Variants in MAP1LC3C observed in about 807,000 individuals in gnomAD.
MAP1LC3C encodes microtubule-associated protein 1 light chain 3 gamma.
A neutral mutation model predicts 10.4 loss-of-function variants in MAP1LC3C; 12 were observed. The observed-to-expected ratio is 1.15, with a 90% confidence interval of 0.74 to 1.86. MAP1LC3C has a LOEUF of 1.86. Ranked by LOEUF, MAP1LC3C falls within the 40% of genes most tolerant of loss-of-function variation. The pLI is 0.00. For missense variants in MAP1LC3C, 177 were observed against 185.7 expected, an observed-to-expected ratio of 0.95 and a Z score of 0.27; for synonymous variants, 70 against 69.0, an observed-to-expected ratio of 1.01 and a Z score of -0.07.
In MAP1LC3C at chr1:241,996,250, G is replaced by A. The variant is rs147920150; in HGVS notation, c.357C>T (p.Tyr119=). Residue 119 remains tyrosine (Y), a synonymous_variant, in exon 4 of 4, where the codon TAC becomes TAT. Transcript: ENST00000357246. Reference sequence around the variant, plus strand: ...GGCAGCCAAATGTCTCCTGGGAGGCGTAGGTCATGTACACGAAGCCATCCT... The same window carrying A: ...GGCAGCCAAATGTCTCCTGGGAGGCATAGGTCATGTACACGAAGCCATCCT... ...KDEDGFVYMT[Y]ASQETFGCLE... 3,508 of 1,614,154 alleles carry A rather than the reference G, an allele frequency of 2.2e-3. 24 individuals carry two copies. The highest frequency in any genetic ancestry group is 0.012 in the South Asian group (1,064 of 91,076).
At chr1:242,001,378 C>T (rs567396006), upstream of MAP1LC3C, among the ~76,000 whole-genome samples, 4 of 152,194 alleles carry the variant, frequency 2.6e-5, no homozygotes, top group South Asian at 2.1e-4. Flanking sequence ...CTTTAGGAGG[C>T]GGAGGTGGGC....
chr1:241,999,140 G>T (rs78765580), upstream of MAP1LC3C: 9,861 of 1,440,338 alleles, frequency 6.8e-3, 48 homozygotes, highest in Middle Eastern at 0.015. Flanking sequence ...AGGGCTGAGT[G>T]ACATCAGGCC....
intron 3 of MAP1LC3C, among the ~76,000 whole-genome samples, chr1:241,998,018 A>ATTTTTTTT (rs1558179174): frequency 1.8e-3 from 165 of 89,228 alleles, no homozygotes; most frequent in East Asian, 2.8e-3. Flanking sequence ...AAATAGAGTA[A>ATTTTTTTT]TTCTTTTTTT....
At position 241,998,797 on chromosome 1, in the gene MAP1LC3C, T is replaced by G. The variant is rs764008757; in HGVS notation, c.93A>C (p.Ala31=). 2 of 1,614,106 alleles carry G rather than the reference T, an allele frequency of 1.2e-6. No homozygotes were observed. The highest frequency in any genetic ancestry group is 1.7e-6 in the Non-Finnish European group (2 of 1,180,044). ...TTACCGGGATTTTGTTGGGGAACTT[T>G]GCCCGGATTCCAGCAACTTCCTCTT... ...IRQEEVAGIR[A]KFPNKIPVVV... is the part of the protein sequence containing the mutation. The change falls in exon 2 of 4, where the codon GCA becomes GCC. Residue 31 remains alanine (A), a synonymous_variant. Coordinates refer to ENST00000357246, the MANE Select transcript of MAP1LC3C (RefSeq NM_001004343.3).
In MAP1LC3C at chr1:241,996,321, T is replaced by A. The variant is rs1370129001; in HGVS notation, c.286A>T (p.Ser96Cys). Residue 96 changes from serine to cysteine, a missense_variant, in exon 4 of 4, where the codon AGC (serine) becomes TGC (cysteine). Coordinates refer to ENST00000357246, the MANE Select transcript of MAP1LC3C (RefSeq NM_001004343.3). ...ATCTCTGCCATGGTTGCGCTCATGC[T>A]GACCAGGCTCTTGTTGTTCACCAGC... is the stretch of plus-strand genomic sequence containing the variant. ...YLLVNNKSLV[S>C]MSATMAEIYR... 6.2e-7 allele frequency: 1 copy of A among 1,613,974 alleles called. No homozygotes were observed. Among genetic ancestry groups the A allele is most frequent in the Admixed American group, 1.7e-5 (1 of 59,992 alleles).
Position 241,998,639 on chromosome 1 carries a change from C to T in MAP1LC3C, c.115-19G>A, listed in dbSNP as rs1368258847. On this transcript the variant is annotated intron_variant, in intron 2 of 3. Coordinates refer to ENST00000357246, the MANE Select transcript of MAP1LC3C (RefSeq NM_001004343.3). ...CTACCACCTGTCAAGAGTGTCAGTC[C>T]TTAAGAATGTGACTCAGCGTGAGTG... is the stretch of plus-strand genomic sequence containing the variant. The T allele has an allele frequency of 5.0e-6, 8 of 1,607,788 alleles. No individual in the cohort carries two copies.
chr1:241,996,531 G>T, intron 3 of MAP1LC3C, 146 bp from the exon 4 acceptor site: 2 of 637,392 alleles, frequency 3.1e-6, no homozygotes, highest in Non-Finnish European at 5.4e-6. Flanking sequence ...GGTCAAAAGG[G>T]TGAGGCCATT....
chr1:241,996,201 C>T lies in MAP1LC3C; in HGVS notation c.406G>A (p.Gly136Arg). Residue 136 changes from glycine (G) to arginine (R), a missense_variant, in exon 4 of 4, where the codon GGG (glycine) becomes AGG (arginine). Gly to Arg is a moderately radical substitution (Grantham distance 125). Transcript: ENST00000357246. ...CAGGGTCTGTCCTCAAGGCTGCTCC[C>T]ATCCCTGGGGGCTGCTGACTCCAGG... ...GCLESAAPRD[G>R]SSLEDRPCNP... is the part of the protein sequence containing the mutation. 6.2e-7 allele frequency: 1 copy of T among 1,614,126 alleles called. No individual in the cohort carries two copies. Among genetic ancestry groups the T allele is most frequent in the Non-Finnish European group, 8.5e-7 (1 of 1,180,028 alleles).
At position 241,998,944 on chromosome 1, in the gene MAP1LC3C, A is replaced by C; in HGVS notation, c.58+7T>G. 1 of 1,611,000 alleles carries C rather than the reference A, an allele frequency of 6.2e-7. No individual in the cohort carries two copies. The highest frequency in any genetic ancestry group is 2.2e-5 in the East Asian group (1 of 44,856). ...GATAACCCAGAAAGCTACCCCAAGA[A>C]ATTTACCCAAGCTTTTCCTCTGCTT... On this transcript the variant is annotated splice_region_variant and intron_variant, in intron 1 of 3. Transcript: ENST00000357246.
Position 241,996,405 on chromosome 1 carries a change from G to A in MAP1LC3C, c.222-20C>T, listed in dbSNP as rs762698510. On this transcript the variant is annotated intron_variant, in intron 3 of 3. Transcript: ENST00000357246. ...CGGCTCCTGGGATGGGCAGGAGGGT[G>A]GTGAGGGTATGGCCTGCGAGACAGC... 4.4e-6 allele frequency: 7 copies of A among 1,608,186 alleles called. No homozygotes were observed. In the African/African-American group the frequency reaches 6.7e-5, roughly 15 times the overall value.
chr1:242,000,557 A>G (rs1306651456), upstream of MAP1LC3C, among the ~76,000 whole-genome samples: 1 of 152,114 alleles, frequency 6.6e-6, no homozygotes, highest in Non-Finnish European at 1.5e-5. Context: ...CTTCTGATCT[A>G]TGGGACATAA....
In MAP1LC3C at chr1:241,995,971, T is replaced by C; in HGVS notation, c.*192A>G. On this transcript the variant is annotated 3_prime_UTR_variant, in exon 4 of 4. Transcript: ENST00000357246. ...CTTTCAAGAGCAGCCCACATTTTTC[T>C]TAGAAGGACACAAGAACACGGAGCA... 3 of 495,528 alleles carry C rather than the reference T, an allele frequency of 6.1e-6. No homozygotes were observed. The East Asian group carries it at 8.7e-5, about 14-fold the overall frequency. 30.7% of individuals were successfully genotyped at this position (495,528 alleles called of 1,614,324 possible).
upstream of MAP1LC3C, among the ~76,000 whole-genome samples, chr1:242,000,997 C>T (rs191106804): frequency 2.6e-5 from 4 of 152,228 alleles, no homozygotes; most frequent in Admixed American, 2.0e-4. Flanking sequence ...CACTTATTGC[C>T]GGGCATGGTG....
Position 241,995,916 on chromosome 1 carries a change from T to G in MAP1LC3C, c.*247A>C. The G allele has an allele frequency of 2.8e-6, 1 of 358,116 alleles. No homozygotes were observed. The highest frequency in any genetic ancestry group is 5.1e-6 in the Non-Finnish European group (1 of 195,198). The allele number at this position is 358,116 out of a possible 1,614,324, so 22.2% of individuals were successfully genotyped here. ...CCTAGGCAATAGAGCAAGACCCTGTTTCAAAAAAAAAAAAATGATAATTAT... is the reference window on the plus strand; with the variant it reads ...CCTAGGCAATAGAGCAAGACCCTGTGTCAAAAAAAAAAAAATGATAATTAT... On this transcript the variant is annotated 3_prime_UTR_variant, in exon 4 of 4. Transcript: ENST00000357246.
At chr1:241,998,467 G>T in intron 3 of MAP1LC3C, 47 bp downstream of exon 3, 1 of 1,543,078 alleles carries the variant, frequency 6.5e-7, no homozygotes, top group Non-Finnish European at 9.0e-7. Context: ...CAACAGCCCC[G>T]GCGCACCCAG....
upstream of MAP1LC3C, among the ~76,000 whole-genome samples, chr1:242,000,293 T>G (rs1238359650): frequency 6.6e-6 from 1 of 152,186 alleles, no homozygotes; most frequent in Non-Finnish European, 1.5e-5. Flanking sequence ...CAGGCTGGAA[T>G]GTAGTGGCAC....
Position 241,999,016 on chromosome 1 carries a change from A to C in MAP1LC3C, c.-8T>G. On this transcript the variant is annotated 5_prime_UTR_variant, in exon 1 of 4. Coordinates refer to ENST00000357246, the MANE Select transcript of MAP1LC3C (RefSeq NM_001004343.3). The stretch of plus-strand genomic sequence containing the variant: ...TTTCTGTGGAGGCGGCATTGCACTC[A>C]GTAGCTGTGTCTGTTTTAAAAAAGA... 1 of 1,600,038 alleles carries C rather than the reference A, an allele frequency of 6.2e-7. No individual in the cohort carries two copies. The highest frequency in any genetic ancestry group is 8.5e-7 in the Non-Finnish European group (1 of 1,176,850).
At chr1:241,999,381 G>GC (rs1365114617), upstream of MAP1LC3C, among the ~76,000 whole-genome samples, 1 of 152,176 alleles carries the variant, frequency 6.6e-6, no homozygotes, top group African/African-American at 2.4e-5. Context: ...CCCTTCAGTA[G>GC]CAAGGGGGGG....
At chr1:241,999,829 CA>C (rs1193321951), upstream of MAP1LC3C, among the ~76,000 whole-genome samples, 3 of 151,464 alleles carry the variant, frequency 2.0e-5, no homozygotes, top group Non-Finnish European at 4.4e-5. Flanking sequence ...CAAAACAAAA[CA>C]AAAAAAACCC....
Sources: allele counts gnomAD v4.1 joint callset (sites outside exome capture counted in the v4.1 genomes callset), GRCh38; gene constraint gnomAD v4.1.1; transcripts MANE v1.5; gene names NCBI Gene and HGNC (gene_info 2026-07-23, HGNC 2026-07-21).